PDE4B: variants seen among roughly 807,000 people sequenced by gnomAD.
PDE4B encodes 3',5'-cyclic-AMP phosphodiesterase 4B.
PDE4B carries 20 observed loss-of-function variants against 82.2 expected under a neutral mutation model. The observed-to-expected ratio is 0.24, with a 90% confidence interval of 0.17 to 0.35. The LOEUF is 0.35. Among genes scored for constraint, PDE4B ranks in the 10% least tolerant of loss-of-function variants. The pLI is 1.00. For synonymous variants in PDE4B, 320 were observed against 318.9 expected (o/e 1.00, Z -0.04); for missense variants, 655 against 907.2 (o/e 0.72, Z 3.57).
At chr1:66,157,107 A>G (rs1046202625) in intron 3 of PDE4B, among the ~76,000 whole-genome samples, 11 of 152,278 alleles carry the variant, frequency 7.2e-5, no homozygotes, top group African/African-American at 2.6e-4. Flanking sequence ...CCCTGCTGTA[A>G]TGCCAGTGCT....
intron 3 of PDE4B, among the ~76,000 whole-genome samples, chr1:65,942,188 G>T (rs1425752625): frequency 6.6e-6 from 1 of 151,482 alleles, no homozygotes; most frequent in African/African-American, 2.4e-5. Flanking sequence ...CAGACACACC[G>T]ACCTCTTCAG....
intron 3 of PDE4B, among the ~76,000 whole-genome samples, chr1:66,169,280 T>C (rs1033841847): frequency 6.6e-6 from 1 of 152,206 alleles, no homozygotes; most frequent in African/African-American, 2.4e-5. Flanking sequence ...CAGTGGCCTT[T>C]AAGTGCTATT....
Position 66,126,712 on chromosome 1 carries a change from A to C in PDE4B, c.282-120748A>C, listed in dbSNP as rs147379100. Among the ~76,000 whole-genome samples, 788 of 152,312 alleles carry C rather than the reference A, an allele frequency of 5.2e-3. 7 individuals are homozygous for C. Among genetic ancestry groups the C allele is most frequent in the Admixed American group, 7.5e-3 (115 of 15,300 alleles). On this transcript the variant is annotated intron_variant, in intron 3 of 16. Coordinates refer to ENST00000341517, the MANE Select transcript of PDE4B (RefSeq NM_002600.4). Reference sequence around the variant, plus strand: ...AGGCAAGATCCACCAGTGAATGATAAAATTATTGGTGAAAGTTTGAGAAAT... The same window carrying C: ...AGGCAAGATCCACCAGTGAATGATACAATTATTGGTGAAAGTTTGAGAAAT...
At chr1:66,354,350 A>C in intron 8 of PDE4B, 1 of 981,096 alleles carries the variant, frequency 1.0e-6, no homozygotes, top group Non-Finnish European at 1.2e-6. Flanking sequence ...TACTGACTTC[A>C]GATTTACTTA....
chr1:66,049,096 C>T (rs1654877109), intron 3 of PDE4B, among the ~76,000 whole-genome samples: 1 of 151,948 alleles, frequency 6.6e-6, no homozygotes, highest in Non-Finnish European at 1.5e-5. Flanking sequence ...AATTGTTATT[C>T]TGAGAGTGGA....
At chr1:66,146,235 G>T (rs1167459402) in intron 3 of PDE4B, among the ~76,000 whole-genome samples, 1 of 128,694 alleles carries the variant, frequency 7.8e-6, no homozygotes, top group African/African-American at 3.0e-5. Context: ...CCAAACTGGA[G>T]TGCAGTGGCG....
At chr1:66,348,713 A>G (rs1661595759) in intron 8 of PDE4B, among the ~76,000 whole-genome samples, 3 of 151,400 alleles carry the variant, frequency 2.0e-5, no homozygotes, top group Admixed American at 2.0e-4. Context: ...CTGAAATTCA[A>G]ATTTAACTAG....
At chr1:65,826,374 G>A (rs1646017589) in intron 1 of PDE4B, among the ~76,000 whole-genome samples, 1 of 152,082 alleles carries the variant, frequency 6.6e-6, no homozygotes, top group African/African-American at 2.4e-5. Context: ...ATTTGCTGAG[G>A]CTGAGTGTGG....
intron 3 of PDE4B, among the ~76,000 whole-genome samples, chr1:66,191,423 C>T (rs919053856): frequency 2.0e-5 from 3 of 152,164 alleles, no homozygotes; most frequent in African/African-American, 7.2e-5. Flanking sequence ...ATTTAAAAGA[C>T]TGATCTGTTG....
chr1:65,996,847 C>G (rs929081657), intron 3 of PDE4B, among the ~76,000 whole-genome samples: 1 of 152,112 alleles, frequency 6.6e-6, no homozygotes, highest in Non-Finnish European at 1.5e-5. Context: ...TCAATGGAAC[C>G]TTCAGAATTA....
chr1:66,009,467 A>C (rs1652345777), intron 3 of PDE4B, among the ~76,000 whole-genome samples: 1 of 152,144 alleles, frequency 6.6e-6, no homozygotes, highest in South Asian at 2.1e-4. Flanking sequence ...TCCTCTATTC[A>C]GAATCCTTTA....
chr1:66,040,159 A>G (rs1654290800), intron 3 of PDE4B, among the ~76,000 whole-genome samples: 1 of 152,054 alleles, frequency 6.6e-6, no homozygotes, highest in South Asian at 2.1e-4. Context: ...AATGAGGACG[A>G]CTATTGTATT....
chr1:65,958,034 C>G (rs567499429), intron 3 of PDE4B, among the ~76,000 whole-genome samples: 1 of 152,040 alleles, frequency 6.6e-6, no homozygotes, highest in African/African-American at 2.4e-5. Flanking sequence ...TAGTACAGTG[C>G]TGAAAAGAAG....
At chr1:66,242,514 A>C (rs573730709) in intron 3 of PDE4B, among the ~76,000 whole-genome samples, 1 of 152,284 alleles carries the variant, frequency 6.6e-6, no homozygotes, top group African/African-American at 2.4e-5. Context: ...GCGAAAGAAA[A>C]ATCTCCTCTG....
intron 3 of PDE4B, among the ~76,000 whole-genome samples, chr1:66,021,709 T>C (rs569565166): frequency 1.3e-5 from 2 of 152,256 alleles, no homozygotes; most frequent in Admixed American, 6.5e-5. Flanking sequence ...ATTTTGGTTA[T>C]TGTAGCCTTG....
chr1:66,279,976 G>A (rs1362197375), intron 7 of PDE4B, among the ~76,000 whole-genome samples: 1 of 151,984 alleles, frequency 6.6e-6, no homozygotes, highest in Non-Finnish European at 1.5e-5. Flanking sequence ...AAATAACAGG[G>A]CACTATAGAC....
intron 1 of PDE4B, among the ~76,000 whole-genome samples, chr1:65,889,700 T>A (rs533991521): frequency 6.6e-6 from 1 of 152,122 alleles, no homozygotes; most frequent in Non-Finnish European, 1.5e-5. Flanking sequence ...ACTTTTCTAA[T>A]ATACTATGTG....
At chr1:65,897,116 T>A (rs1646919130) in intron 1 of PDE4B, among the ~76,000 whole-genome samples, 1 of 152,154 alleles carries the variant, frequency 6.6e-6, no homozygotes, top group African/African-American at 2.4e-5. Context: ...GTCAGATATA[T>A]AGGATGCATT....
chr1:66,019,011 A>C (rs1185986582), intron 3 of PDE4B, among the ~76,000 whole-genome samples: 1 of 152,210 alleles, frequency 6.6e-6, no homozygotes, highest in Non-Finnish European at 1.5e-5. Context: ...TATGCACTTA[A>C]ATAAATGGAT....
Sources: gnomAD v4.1 joint callset for allele counts (sites outside exome capture counted in the v4.1 genomes callset) on GRCh38, gnomAD v4.1.1 for gene constraint, MANE v1.5 for transcripts, NCBI Gene and HGNC (gene_info 2026-07-23, HGNC 2026-07-21) for gene names.